The following DTWD2 variants were observed in gnomAD, a reference collection of about 807,000 sequenced individuals.
The protein encoded by DTWD2 is DTW motif tRNA-uridine aminocarboxypropyltransferase 2.
In DTWD2, 39 loss-of-function variants were observed where a neutral mutation model predicts 31.8. That is an observed-to-expected ratio of 1.22 (90% confidence interval 0.95 to 1.60). The LOEUF is 1.60. Among genes scored for constraint, DTWD2 ranks in the 40% most tolerant of loss-of-function variants. The pLI, the probability that DTWD2 is intolerant of heterozygous loss-of-function variation, is 0.00. For synonymous variants in DTWD2, 180 were observed against 142.8 expected, an observed-to-expected ratio of 1.26 and a Z score of -1.86; for missense variants, 515 against 381.5, an observed-to-expected ratio of 1.35 and a Z score of -2.92.
At chr5:118,876,020 C>T (rs903607922) in intron 4 of DTWD2, among the ~76,000 whole-genome samples, 3 of 152,122 alleles carry the variant, frequency 2.0e-5, no homozygotes, top group African/African-American at 7.2e-5. Context: ...GACCACAACA[C>T]AATCAAAATT....
At chr5:118,974,646 T>C (rs760983465) in intron 1 of DTWD2, 17 of 508,378 alleles carry the variant, frequency 3.3e-5, no homozygotes. Flanking sequence ...CTATAAGTAG[T>C]TGGTTTGTAT....
At chr5:118,883,273 C>T (rs2149555547) in intron 4 of DTWD2, among the ~76,000 whole-genome samples, 1 of 152,306 alleles carries the variant, frequency 6.6e-6, no homozygotes, top group East Asian at 1.9e-4. Context: ...TCAGCCTGGA[C>T]TTCATTGTCT....
chr5:118,979,907 C>T (rs1230532235), intron 1 of DTWD2, among the ~76,000 whole-genome samples: 1 of 152,184 alleles, frequency 6.6e-6, no homozygotes, highest in African/African-American at 2.4e-5. Context: ...GGCTTAATAC[C>T]TAGGGGATGG....
At chr5:118,931,287 C>T (rs544006411) in intron 3 of DTWD2, among the ~76,000 whole-genome samples, 93 of 151,170 alleles carry the variant, frequency 6.2e-4, no homozygotes, top group African/African-American at 2.2e-3. Flanking sequence ...CCCAGCTACT[C>T]GGGAAGCGGA....
At chr5:118,892,714 TG>T (rs1455803279) in intron 4 of DTWD2, among the ~76,000 whole-genome samples, 1 of 152,094 alleles carries the variant, frequency 6.6e-6, no homozygotes, top group Non-Finnish European at 1.5e-5. Flanking sequence ...AGAAAATCAA[TG>T]GAAGGAAATT....
rs1160986688 is a variant in DTWD2 at position 118,840,217 on chromosome 5, A to T, written c.*700T>A. On this transcript the variant is annotated 3_prime_UTR_variant, in exon 6 of 6. Transcript: ENST00000510708. ...CACTTATTATTTTCCATATGAAAAC[A>T]TCAATAAAATAAGTTTACCAGAGTC... 6.6e-6 allele frequency: 1 copy of T among 152,220 alleles called. No homozygotes were observed. The highest frequency in any genetic ancestry group is 1.5e-5 in the Non-Finnish European group (1 of 68,028). 9.4% of individuals were successfully genotyped at this position (152,220 alleles called of 1,614,324 possible).
chr5:118,889,181 T>A (rs960364195), intron 4 of DTWD2, among the ~76,000 whole-genome samples: 14 of 152,164 alleles, frequency 9.2e-5, no homozygotes, highest in Admixed American at 2.0e-4. Flanking sequence ...CAGTGAAAAT[T>A]CCTCTTAGGG....
intron 4 of DTWD2, among the ~76,000 whole-genome samples, chr5:118,894,547 A>C (rs1461267849): frequency 6.6e-6 from 1 of 152,132 alleles, no homozygotes; most frequent in East Asian, 1.9e-4. Context: ...AAATATACTC[A>C]CACATACTTG....
At chr5:118,866,236 T>A (rs1334525452) in intron 4 of DTWD2, among the ~76,000 whole-genome samples, 2 of 152,156 alleles carry the variant, frequency 1.3e-5, no homozygotes, top group Non-Finnish European at 1.5e-5. Context: ...TGAATTAGTT[T>A]CCTCACAGAG....
At chr5:118,912,619 T>C (rs1401307576) in intron 4 of DTWD2, among the ~76,000 whole-genome samples, 2 of 151,410 alleles carry the variant, frequency 1.3e-5, no homozygotes, top group Non-Finnish European at 2.9e-5. Flanking sequence ...CTGCCTCATC[T>C]TTCAAGACTC....
At chr5:118,898,658 C>CAAAAAAAAAAA (rs200407705) in intron 4 of DTWD2, among the ~76,000 whole-genome samples, 1 of 82,312 alleles carries the variant, frequency 1.2e-5, no homozygotes, top group Non-Finnish European at 2.4e-5. Flanking sequence ...GACTCCATCT[C>CAAAAAAAAAAA]AAAAAAAAAA....
intron 4 of DTWD2, among the ~76,000 whole-genome samples, chr5:118,872,394 C>T (rs1752525450): frequency 6.6e-6 from 1 of 152,192 alleles, no homozygotes; most frequent in Non-Finnish European, 1.5e-5. Flanking sequence ...CCTCAATAAG[C>T]TTAATCATTT....
At chr5:118,874,561 G>T (rs960955027) in intron 4 of DTWD2, among the ~76,000 whole-genome samples, 17 of 152,050 alleles carry the variant, frequency 1.1e-4, no homozygotes, top group Admixed American at 1.0e-3. Context: ...ATTTCACAAT[G>T]CAATCAAAAG....
intron 4 of DTWD2, among the ~76,000 whole-genome samples, chr5:118,923,025 T>C (rs1317483000): frequency 6.6e-6 from 1 of 152,156 alleles, no homozygotes; most frequent in Non-Finnish European, 1.5e-5. Flanking sequence ...CAGGTAGGCA[T>C]TCAATAAGCT....
chr5:118,984,598 T>C (rs918106608), intron 1 of DTWD2, among the ~76,000 whole-genome samples: 2 of 152,158 alleles, frequency 1.3e-5, no homozygotes, highest in Non-Finnish European at 1.5e-5. Context: ...TACATAGATA[T>C]GGTGTATTAT....
intron 4 of DTWD2, among the ~76,000 whole-genome samples, chr5:118,913,808 A>C (rs778802940): frequency 1.3e-5 from 2 of 152,130 alleles, no homozygotes; most frequent in Non-Finnish European, 2.9e-5. Flanking sequence ...TAATCTTTCA[A>C]AGAAAGCTGT....
At chr5:118,938,717 AAAT>A (rs1754106952) in intron 3 of DTWD2, among the ~76,000 whole-genome samples, 1 of 151,724 alleles carries the variant, frequency 6.6e-6, no homozygotes, top group African/African-American at 2.4e-5. Flanking sequence ...CTGCCTCAAA[AAAT>A]AATAATAATA....
intron 4 of DTWD2, among the ~76,000 whole-genome samples, chr5:118,887,524 A>G (rs949414136): frequency 2.0e-5 from 3 of 152,228 alleles, no homozygotes; most frequent in African/African-American, 4.8e-5. Flanking sequence ...TTCCCTCCAT[A>G]TATCAAAATC....
At chr5:118,973,660 AGCCTCCTTGCTCGC>A in intron 1 of DTWD2, 2 of 874,538 alleles carry the variant, frequency 2.3e-6, no homozygotes, top group Non-Finnish European at 3.6e-6. Flanking sequence ...TGCTCGCGGC[AGCCTCCTTGCTCGC>A]CGCAGCCGCC....
Sources: allele counts gnomAD v4.1 joint callset (sites outside exome capture counted in the v4.1 genomes callset), GRCh38; gene constraint gnomAD v4.1.1; transcripts MANE v1.5; gene names NCBI Gene and HGNC (gene_info 2026-07-23, HGNC 2026-07-21).